Variants in PCDHGB1 observed in about 807,000 individuals in gnomAD.
PCDHGB1 encodes the protein protocadherin gamma-B1.
Under a neutral mutation model 56.6 loss-of-function variants are expected in PCDHGB1, and 34 were observed. The ratio of observed to expected loss-of-function variants is 0.60; its 90% confidence interval spans 0.46 to 0.80. The LOEUF is 0.80. Ranked by LOEUF, PCDHGB1 falls within the 30% of genes least tolerant of loss-of-function variation. The pLI is 0.00. For missense variants in PCDHGB1, 1,278 were observed against 1,204.6 expected (o/e 1.06, Z -0.90); for synonymous variants, 561 against 505.9 (o/e 1.11, Z -1.46).
intron 1 of PCDHGB1, chr5:141,364,891 T>C: frequency 1.2e-6 from 2 of 1,613,950 alleles, no homozygotes; most frequent in Middle Eastern, 1.6e-4. Flanking sequence ...GCGGAACTGA[T>C]GGACAAAAGT....
intron 1 of PCDHGB1, chr5:141,398,750 A>G (rs144881560): frequency 1.1e-5 from 17 of 1,613,502 alleles, no homozygotes; most frequent in Middle Eastern, 1.6e-4. Flanking sequence ...CAGAGTTACC[A>G]TCGTTTAGTC....
intron 1 of PCDHGB1, among the ~76,000 whole-genome samples, chr5:141,436,292 G>T (rs2097808605): frequency 6.6e-6 from 1 of 152,158 alleles, no homozygotes; most frequent in Non-Finnish European, 1.5e-5. Context: ...ACAAATCATT[G>T]AGAGTTAGAG....
chr5:141,504,578 TGCCCAGGATTCACAGCAA>T (rs2099839274), intron 2 of PCDHGB1, among the ~76,000 whole-genome samples: 1 of 148,500 alleles, frequency 6.7e-6, no homozygotes, highest in African/African-American at 2.5e-5. Flanking sequence ...GAACACCATC[TGCCCAGGATTCACAGCAA>T]GAGGGAACTT....
At chr5:141,503,745 G>A (rs1377110427) in intron 2 of PCDHGB1, among the ~76,000 whole-genome samples, 3 of 152,220 alleles carry the variant, frequency 2.0e-5, no homozygotes, top group South Asian at 2.1e-4. Flanking sequence ...ATGGTATAGA[G>A]GTCACACATG....
chr5:141,361,824 G>C (rs1285016518), intron 1 of PCDHGB1: 2 of 1,612,886 alleles, frequency 1.2e-6, no homozygotes, highest in Non-Finnish European at 1.7e-6. Context: ...CACGGGTGCT[G>C]TACCCCGCGC....
At chr5:141,421,601 T>C (rs1309928984) in intron 1 of PCDHGB1, 19 of 1,613,652 alleles carry the variant, frequency 1.2e-5, no homozygotes, top group Non-Finnish European at 1.6e-5. Context: ...GTGGAAATAA[T>C]AGATATTAAT....
intron 1 of PCDHGB1, chr5:141,388,273 C>G: frequency 6.3e-7 from 1 of 1,597,470 alleles, no homozygotes; most frequent in East Asian, 2.3e-5. Context: ...AATGACCACA[C>G]GCCAAAATTC....
At chr5:141,389,649 G>A in intron 1 of PCDHGB1, 2 of 1,612,716 alleles carry the variant, frequency 1.2e-6, no homozygotes, top group Non-Finnish European at 1.7e-6. Context: ...GGTGACCAAG[G>A]TAGTGGCGGT....
rs1561498833 is a variant in PCDHGB1 at position 141,350,936 on chromosome 5, T to C, written c.676T>C (p.Trp226Arg). The C allele has an allele frequency of 1.2e-6, 2 of 1,614,102 alleles. No homozygotes were observed. Among genetic ancestry groups the C allele is most frequent in the Non-Finnish European group, 1.7e-6 (2 of 1,179,912 alleles). The change falls in exon 1 of 4, where the codon TGG becomes CGG. Residue 226 changes from tryptophan to arginine, a missense_variant. Trp to Arg is a moderately radical substitution (Grantham distance 101, BLOSUM62 -3). Coordinates refer to ENST00000523390, the MANE Select transcript of PCDHGB1 (RefSeq NM_018922.3). ...DPPLSGTTHI[W>R]IRVTDANDNA... ...GCCTCTAAGCGGCACCACCCATATC[T>C]GGATCCGAGTTACGGATGCCAATGA...
At chr5:141,438,589 TAC>T (rs72335471) in intron 1 of PCDHGB1, among the ~76,000 whole-genome samples, 19,881 of 66,350 alleles carry the variant, frequency 0.3, 2,903 homozygotes, top group Admixed American at 0.41. Context: ...CATACATACA[TAC>T]ATATATATAT....
intron 1 of PCDHGB1, chr5:141,385,154 C>G (rs761681846): frequency 6.2e-7 from 1 of 1,614,208 alleles, no homozygotes; most frequent in Non-Finnish European, 8.5e-7. Flanking sequence ...TTCCTGCAGA[C>G]CTATTCCCAT....
chr5:141,511,485 C>T lies in PCDHGB1; in HGVS notation c.*312C>T, dbSNP rs1324849800. 1.8e-5 allele frequency: 8 copies of T among 453,300 alleles called. No individual in the cohort carries two copies. The highest frequency in any genetic ancestry group is 1.2e-4 in the African/African-American group (6 of 50,332). The allele number at this position is 453,300 out of a possible 1,614,324, so 28.1% of individuals were successfully genotyped here. A position where few individuals can be genotyped will look rare whatever the true frequency, so the allele number is the denominator to read the frequency against. On this transcript the variant is annotated 3_prime_UTR_variant, in exon 4 of 4. Coordinates refer to ENST00000523390, the MANE Select transcript of PCDHGB1 (RefSeq NM_018922.3). Reference sequence around the variant, plus strand: ...ACCCCGTTTAGTTACAGCTGAACTCCTCCATCTTCCAAATCAATCAGGCCC... The same window carrying T: ...ACCCCGTTTAGTTACAGCTGAACTCTTCCATCTTCCAAATCAATCAGGCCC...
In PCDHGB1 at chr5:141,404,831, C is replaced by T. The variant is rs760971907; in HGVS notation, c.2409+52162C>T. 12 of 1,613,738 alleles carry T rather than the reference C, an allele frequency of 7.4e-6. No homozygotes were observed. The highest frequency in any genetic ancestry group is 3.3e-5 in the Admixed American group (2 of 59,978). On this transcript the variant is annotated intron_variant, in intron 1 of 3. Transcript: ENST00000523390. ...GGTGGGGCTGCACACAGGTGAAGTGCGCACAGCTCGGGCCCTGCTAGATAG... is the reference window on the plus strand; with the variant it reads ...GGTGGGGCTGCACACAGGTGAAGTGTGCACAGCTCGGGCCCTGCTAGATAG...
Position 141,431,072 on chromosome 5 carries a change from A to G in PCDHGB1, c.2410-63735A>G. On this transcript the variant is annotated intron_variant, in intron 1 of 3. Transcript: ENST00000523390. The surrounding 1 kb of genome is among the most constrained non-coding windows in gnomAD (Gnocchi z 4.8). ...TATGGGGGCCATCAAGTGTCAATTA[A>G]ATCTAGACATTCTGATGGAGGATAA... is the stretch of plus-strand genomic sequence containing the variant. 1 of 1,614,220 alleles carries G rather than the reference A, an allele frequency of 6.2e-7. No individual in the cohort carries two copies. Among genetic ancestry groups the G allele is most frequent in the Non-Finnish European group, 8.5e-7 (1 of 1,180,012 alleles).
intron 1 of PCDHGB1, chr5:141,393,090 G>T: frequency 6.2e-7 from 1 of 1,613,626 alleles, no homozygotes; most frequent in South Asian, 1.1e-5. Flanking sequence ...GATAGATCGG[G>T]AGGAGCTCTG....
chr5:141,410,489 G>A, intron 1 of PCDHGB1: 3 of 1,613,972 alleles, frequency 1.9e-6, no homozygotes, highest in Non-Finnish European at 1.7e-6. Context: ...GGGTACAAAA[G>A]AGTTTAATTT....
Position 141,431,706 on chromosome 5 carries a change from AG to A in PCDHGB1, c.2410-63100del. The A allele has an allele frequency of 6.2e-7, 1 of 1,614,248 alleles. No homozygotes were observed. The highest frequency in any genetic ancestry group is 8.5e-7 in the Non-Finnish European group (1 of 1,180,048). ...GACCACGAGGAGTCAGGATTCTACC[AG>A]ATGGAAGTGCAAGCAATGGATAATG... On this transcript the variant is annotated intron_variant, in intron 1 of 3. Coordinates refer to ENST00000523390, the MANE Select transcript of PCDHGB1 (RefSeq NM_018922.3). This position sits in a 1 kb window ranked among gnomAD's most constrained non-coding sequence, Gnocchi z 4.8.
intron 1 of PCDHGB1, among the ~76,000 whole-genome samples, chr5:141,370,065 A>G (rs960768866): frequency 6.6e-6 from 1 of 152,254 alleles, no homozygotes; most frequent in Non-Finnish European, 1.5e-5. Context: ...TCCTTTTAAA[A>G]TGGGAAGAAA....
intron 1 of PCDHGB1, chr5:141,398,722 A>T: frequency 1.9e-6 from 3 of 1,613,816 alleles, no homozygotes; most frequent in Non-Finnish European, 2.5e-6. Context: ...ACTGGAGAAA[A>T]CCTTAGACCG....
Sources: allele counts gnomAD v4.1 joint callset (sites outside exome capture counted in the v4.1 genomes callset), GRCh38; gene constraint gnomAD v4.1.1; non-coding constraint Gnocchi (gnomAD v3.1); transcripts MANE v1.5; gene names NCBI Gene and HGNC (gene_info 2026-07-23, HGNC 2026-07-21).